Variants in EXOC4 observed in about 807,000 individuals in gnomAD.
The protein encoded by EXOC4 is SEC8-like 1.
A neutral mutation model predicts 107.2 loss-of-function variants in EXOC4; 71 were observed. The ratio of observed to expected loss-of-function variants is 0.66; its 90% confidence interval spans 0.55 to 0.81. The LOEUF is 0.81. Among genes scored for constraint, EXOC4 ranks in the 30% least tolerant of loss-of-function variants. The pLI, the probability that EXOC4 is intolerant of heterozygous loss-of-function variation, is 0.00. For missense variants in EXOC4, 1,108 were observed against 1,189.6 expected (o/e 0.93, Z 1.01); for synonymous variants, 456 against 441.2 (o/e 1.03, Z -0.42).
intron 11 of EXOC4, among the ~76,000 whole-genome samples, chr7:133,846,521 A>G (rs912239351): frequency 3.3e-5 from 5 of 152,212 alleles, no homozygotes; most frequent in African/African-American, 9.6e-5. Flanking sequence ...CCAGTACCCA[A>G]TCAGATATAC....
intron 10 of EXOC4, among the ~76,000 whole-genome samples, chr7:133,725,466 C>T (rs773999789): frequency 6.6e-5 from 10 of 152,198 alleles, no homozygotes; most frequent in Non-Finnish European, 1.3e-4. Flanking sequence ...ACCTCCGCCT[C>T]CTGGGTTCAA....
chr7:133,961,333 C>T (rs1800939577), intron 14 of EXOC4, among the ~76,000 whole-genome samples: 1 of 142,956 alleles, frequency 7.0e-6, no homozygotes, highest in Admixed American at 7.2e-5. Context: ...GTTGCCCAGG[C>T]TGGAGCGCAG....
At chr7:133,461,473 C>A (rs1301500729) in intron 7 of EXOC4, among the ~76,000 whole-genome samples, 1 of 152,246 alleles carries the variant, frequency 6.6e-6, no homozygotes, top group Middle Eastern at 3.4e-3. Context: ...ATAAGTGTGA[C>A]AATATTTACA....
chr7:134,043,960 T>A (rs1430853206), intron 17 of EXOC4, among the ~76,000 whole-genome samples: 1 of 152,174 alleles, frequency 6.6e-6, no homozygotes, highest in East Asian at 1.9e-4. Flanking sequence ...TAAAATAACC[T>A]TGGTTTGTAG....
chr7:133,426,014 C>T (rs1160652990), intron 7 of EXOC4, among the ~76,000 whole-genome samples: 1 of 152,214 alleles, frequency 6.6e-6, no homozygotes, highest in African/African-American at 2.4e-5. Context: ...CCACCTTGGG[C>T]ACGTGTTCTC....
intron 12 of EXOC4, among the ~76,000 whole-genome samples, chr7:133,900,656 G>A (rs1270830776): frequency 6.6e-6 from 1 of 151,922 alleles, no homozygotes; most frequent in Non-Finnish European, 1.5e-5. Flanking sequence ...AGGGGAGAGA[G>A]ACATTAAGTG....
intron 9 of EXOC4, among the ~76,000 whole-genome samples, chr7:133,553,393 C>A (rs972315449): frequency 6.6e-6 from 1 of 152,120 alleles, no homozygotes; most frequent in Non-Finnish European, 1.5e-5. Context: ...AAATATGTTA[C>A]TTTCCTTTTC....
intron 10 of EXOC4, among the ~76,000 whole-genome samples, chr7:133,673,877 T>C (rs748137139): frequency 1.6e-4 from 25 of 152,214 alleles, no homozygotes; most frequent in Non-Finnish European, 2.1e-4. Flanking sequence ...ACAAATATTG[T>C]AATTGACAAA....
At chr7:133,305,295 C>T (rs1794727556) in intron 3 of EXOC4, among the ~76,000 whole-genome samples, 3 of 152,122 alleles carry the variant, frequency 2.0e-5, no homozygotes, top group Admixed American at 6.6e-5. Context: ...TTTCTTCTAT[C>T]AAACTGAATC....
chr7:133,876,864 A>G (rs1798860670), intron 11 of EXOC4, among the ~76,000 whole-genome samples: 1 of 151,620 alleles, frequency 6.6e-6, no homozygotes. Context: ...TTTTCTACTT[A>G]TCGATGATTT....
intron 7 of EXOC4, among the ~76,000 whole-genome samples, chr7:133,458,055 A>T (rs918362241): frequency 1.3e-5 from 2 of 152,202 alleles, no homozygotes; most frequent in African/African-American, 4.8e-5. Context: ...TTCTTAATAA[A>T]TGTATACCTA....
chr7:134,076,379 G>A, the EXOC4 span, among the ~76,000 whole-genome samples: 87 of 152,198 alleles, frequency 5.7e-4, no homozygotes, highest in African/African-American at 8.2e-4. Flanking sequence ...TTAGCTGGGC[G>A]TGGTGGCAGG....
chr7:133,581,669 A>C (rs1801275800), intron 9 of EXOC4, among the ~76,000 whole-genome samples: 1 of 150,044 alleles, frequency 6.7e-6, no homozygotes, highest in Non-Finnish European at 1.5e-5. Context: ...GAGGCAGGAG[A>C]ATGGCATGAA....
chr7:133,879,551 T>A (rs549339184), intron 11 of EXOC4, among the ~76,000 whole-genome samples: 1 of 152,314 alleles, frequency 6.6e-6, no homozygotes, highest in Non-Finnish European at 1.5e-5. Flanking sequence ...ACAATTTTGT[T>A]TTAATAGCCA....
chr7:133,420,768 GA>G (rs1164040521), intron 7 of EXOC4, among the ~76,000 whole-genome samples: 1 of 151,902 alleles, frequency 6.6e-6, no homozygotes, highest in Admixed American at 6.6e-5. Context: ...AGAGGGAGAA[GA>G]AAGTTCTTTG....
At chr7:133,994,757 TTGTGTGTGTGTG>T (rs68167254) in intron 14 of EXOC4, among the ~76,000 whole-genome samples, 2 of 148,490 alleles carry the variant, frequency 1.3e-5, no homozygotes, top group Non-Finnish European at 3.0e-5. Flanking sequence ...GTACAAGGTT[TTGTGTGTGTGTG>T]TGTGTGTGTG....
In EXOC4 at chr7:134,035,923, G is replaced by A. The variant is rs563393763; in HGVS notation, c.2687+28088G>A. Among the ~76,000 whole-genome samples, 97 of 152,242 alleles carry A rather than the reference G, an allele frequency of 6.4e-4. No homozygotes were observed. In the South Asian group the frequency reaches 0.019, roughly 30 times the overall value. Reference sequence around the variant, plus strand: ...CTCAGCTGACTTCCTCCCATGTCCTGTTGGCCAGAACTTGATCACACATTC... The same window carrying A: ...CTCAGCTGACTTCCTCCCATGTCCTATTGGCCAGAACTTGATCACACATTC... On this transcript the variant is annotated intron_variant, in intron 17 of 17. Coordinates refer to ENST00000253861, the MANE Select transcript of EXOC4 (RefSeq NM_021807.4).
chr7:133,458,200 GCTC>G (rs902604448), intron 7 of EXOC4, among the ~76,000 whole-genome samples: 1 of 152,158 alleles, frequency 6.6e-6, no homozygotes, highest in African/African-American at 2.4e-5. Context: ...GTTTTACCTA[GCTC>G]CTCTGAAGCT....
intron 13 of EXOC4, among the ~76,000 whole-genome samples, chr7:133,932,560 A>G (rs1041568314): frequency 5.3e-5 from 8 of 152,202 alleles, no homozygotes; most frequent in African/African-American, 1.9e-4. Context: ...ACTCTATACT[A>G]TCTCCAAATA....
Sources: allele counts gnomAD v4.1 joint callset (sites outside exome capture counted in the v4.1 genomes callset), GRCh38; gene constraint gnomAD v4.1.1; transcripts MANE v1.5; gene names NCBI Gene and HGNC (gene_info 2026-07-23, HGNC 2026-07-21).